FAM135A: variants seen among roughly 807,000 people sequenced by gnomAD.
The protein encoded by FAM135A is protein FAM135A.
FAM135A carries 79 observed loss-of-function variants against 146.8 expected under a neutral mutation model. That is an observed-to-expected ratio of 0.54 (90% confidence interval 0.45 to 0.65). FAM135A has a LOEUF of 0.65. Ranked by LOEUF, FAM135A falls within the 30% of genes least tolerant of loss-of-function variation. FAM135A has a pLI of 0.00. For missense variants in FAM135A, 1,623 were observed against 1,758.2 expected (o/e 0.92, Z 1.38); for synonymous variants, 562 against 603.6 (o/e 0.93, Z 1.01).
At chr6:70,485,416 A>C (rs560723893) in intron 10 of FAM135A, among the ~76,000 whole-genome samples, 2 of 152,308 alleles carry the variant, frequency 1.3e-5, no homozygotes, top group South Asian at 4.1e-4. Context: ...ACTTAAAAAT[A>C]AAAGTATTTG....
chr6:70,476,168 C>T (rs1782603458), intron 7 of FAM135A, among the ~76,000 whole-genome samples: 1 of 152,082 alleles, frequency 6.6e-6, no homozygotes, highest in Admixed American at 6.6e-5. Context: ...TCATTAATTT[C>T]CAGAGCCCTT....
intron 4 of FAM135A, among the ~76,000 whole-genome samples, chr6:70,452,130 CATTAT>C (rs1777232323): frequency 1.3e-5 from 2 of 151,658 alleles, no homozygotes. Context: ...CTCAAAATTA[CATTAT>C]AAGTAATTAT....
intron 13 of FAM135A, among the ~76,000 whole-genome samples, chr6:70,522,928 T>C (rs1354280229): frequency 6.6e-6 from 1 of 152,198 alleles, no homozygotes; most frequent in Non-Finnish European, 1.5e-5. Context: ...ATGTTCATCC[T>C]TTTTTATTAC....
At chr6:70,498,528 T>A (rs1263109982) in intron 11 of FAM135A, among the ~76,000 whole-genome samples, 1 of 152,184 alleles carries the variant, frequency 6.6e-6, no homozygotes, top group Non-Finnish European at 1.5e-5. Flanking sequence ...CTTTTGAATT[T>A]GTTTGTTCTT....
chr6:70,554,344 A>G (rs1800417999), intron 20 of FAM135A, among the ~76,000 whole-genome samples: 1 of 152,194 alleles, frequency 6.6e-6, no homozygotes. Flanking sequence ...TCAGGCTACC[A>G]GGTAGAATTA....
At chr6:70,453,311 A>C (rs1582221024) in intron 5 of FAM135A, among the ~76,000 whole-genome samples, 2 of 152,220 alleles carry the variant, frequency 1.3e-5, no homozygotes, top group East Asian at 3.8e-4. Flanking sequence ...AATTCAGTCC[A>C]TTTTGAAATT....
At chr6:70,429,797 C>G (rs1025267126) in intron 4 of FAM135A, among the ~76,000 whole-genome samples, 1 of 151,936 alleles carries the variant, frequency 6.6e-6, no homozygotes, top group African/African-American at 2.4e-5. Flanking sequence ...ACCTAGGAAA[C>G]AGTTTAGAGG....
intron 11 of FAM135A, among the ~76,000 whole-genome samples, chr6:70,500,134 T>A (rs952029801): frequency 2.6e-5 from 4 of 152,234 alleles, no homozygotes; most frequent in Non-Finnish European, 4.4e-5. Flanking sequence ...GTAGGTTTGG[T>A]CTTTTCACAT....
intron 4 of FAM135A, among the ~76,000 whole-genome samples, chr6:70,446,514 A>G (rs766100886): frequency 3.9e-5 from 6 of 152,220 alleles, no homozygotes; most frequent in African/African-American, 1.2e-4. Flanking sequence ...CTGCAATGCA[A>G]TCTTTCTAAA....
chr6:70,472,107 C>G (rs1005263162), intron 5 of FAM135A, among the ~76,000 whole-genome samples: 1 of 152,034 alleles, frequency 6.6e-6, no homozygotes, highest in Admixed American at 6.6e-5. Context: ...AAGAGTGTCT[C>G]AAAGCATCAG....
rs754818109 is a variant in FAM135A at position 70,464,658 on chromosome 6, C to CTTTTTTTTTTTTTTTTTTTTTTTTTTTT, written c.158-10744_158-10743insTTTTTTTTTTTTTTTTTTTTTTTTTTTT. 8.0e-5 allele frequency among the ~76,000 whole-genome samples: 8 copies of CTTTTTTTTTTTTTTTTTTTTTTTTTTTT among 100,450 alleles called. 1 individual carries two copies. The highest frequency in any genetic ancestry group is 3.0e-4 in the African/African-American group (8 of 26,660). 65.9% of individuals were successfully genotyped at this position (100,450 alleles called of 152,430 possible). ...TTTAAATTTCTTTCTTTCTTTCTTT[C>CTTTTTTTTTTTTTTTTTTTTTTTTTTTT]TTTTTTTTCTTTTTTTTTTTTTTTT... On this transcript the variant is annotated intron_variant, in intron 5 of 21. Coordinates refer to ENST00000418814, the MANE Select transcript of FAM135A (RefSeq NM_001162529.3).
At chr6:70,535,744 T>A (rs1387138447) in intron 18 of FAM135A, among the ~76,000 whole-genome samples, 1 of 152,210 alleles carries the variant, frequency 6.6e-6, no homozygotes, top group Non-Finnish European at 1.5e-5. Context: ...CGAAGATTCA[T>A]AGTAGGAAAA....
intron 15 of FAM135A, among the ~76,000 whole-genome samples, chr6:70,527,772 G>A (rs559755065): frequency 5.3e-5 from 8 of 152,002 alleles, no homozygotes; most frequent in Non-Finnish European, 8.8e-5. Context: ...TCCCCTCTTC[G>A]TTCTGCTCCT....
intron 5 of FAM135A, among the ~76,000 whole-genome samples, chr6:70,459,418 G>A (rs1582269716): frequency 6.6e-6 from 1 of 152,238 alleles, no homozygotes; most frequent in East Asian, 1.9e-4. Flanking sequence ...ACAGTGAGAG[G>A]TTCGAGTCAG....
chr6:70,480,488 C>T (rs1404713851), intron 8 of FAM135A, among the ~76,000 whole-genome samples: 1 of 152,134 alleles, frequency 6.6e-6, no homozygotes, highest in Non-Finnish European at 1.5e-5. Context: ...TCTTTTTCTA[C>T]ATTTACATGG....
At chr6:70,423,664 T>TC (rs1422235383) in intron 2 of FAM135A, among the ~76,000 whole-genome samples, 1 of 152,212 alleles carries the variant, frequency 6.6e-6, no homozygotes, top group African/African-American at 2.4e-5. Flanking sequence ...TCACTTGACA[T>TC]CAAGGGAGGT....
rs1226062583 is a variant in FAM135A at position 70,475,564 on chromosome 6, A to T, written c.297+15A>T. On this transcript the variant is annotated intron_variant, in intron 6 of 21. Coordinates refer to ENST00000418814, the MANE Select transcript of FAM135A (RefSeq NM_001162529.3). The stretch of plus-strand genomic sequence containing the variant: ...ATGAAAGAAAGGTAAACATCTCTTC[A>T]TATTTATTTATGTAAATATTTTTTG... 8 of 1,579,062 alleles carry T rather than the reference A, an allele frequency of 5.1e-6. No homozygotes were observed. The East Asian group carries it at 1.4e-4, about 27-fold the overall frequency.
chr6:70,533,996 A>G (rs982061421), intron 18 of FAM135A, 142 bp downstream of exon 18: 55 of 415,096 alleles, frequency 1.3e-4, no homozygotes, highest in Middle Eastern at 6.5e-4. Flanking sequence ...AAAAGTAAAG[A>G]TTTTAGGGAA....
chr6:70,490,964 A>C, intron 10 of FAM135A, 70 bp from the exon 11 acceptor site: 1 of 1,153,334 alleles, frequency 8.7e-7, no homozygotes, highest in Non-Finnish European at 1.2e-6. Context: ...TCAGTTTTTT[A>C]TGGGAATTTT....
Sources: allele counts gnomAD v4.1 joint callset (sites outside exome capture counted in the v4.1 genomes callset), GRCh38; gene constraint gnomAD v4.1.1; transcripts MANE v1.5; gene names NCBI Gene and HGNC (gene_info 2026-07-23, HGNC 2026-07-21).